LHFPL4: variants seen among roughly 807,000 people sequenced by gnomAD.
LHFPL4 encodes the protein LHFPL tetraspan subfamily member 4 protein.
Under a neutral mutation model 20.0 loss-of-function variants are expected in LHFPL4, and 6 were observed. The ratio of observed to expected loss-of-function variants is 0.30; its 90% confidence interval spans 0.16 to 0.59. LHFPL4 has a LOEUF of 0.59. Ranked by LOEUF, LHFPL4 falls within the 20% of genes least tolerant of loss-of-function variation. The pLI is 0.88. For missense variants in LHFPL4, 215 were observed against 331.2 expected, an observed-to-expected ratio of 0.65 and a Z score of 2.72; for synonymous variants, 129 against 143.8, an observed-to-expected ratio of 0.90 and a Z score of 0.74.
At chr3:9,550,550 C>T (rs2046546992) in intron 2 of LHFPL4, 1 of 152,170 alleles carries the variant, frequency 6.6e-6, no homozygotes, top group Non-Finnish European at 1.5e-5. Flanking sequence ...TTCATCAAAT[C>T]CCCAGGATTA....
chr3:9,535,476 A>C, intron 2 of LHFPL4, among the ~76,000 whole-genome samples: 1 of 152,226 alleles, frequency 6.6e-6, no homozygotes, highest in Non-Finnish European at 1.5e-5. Context: ...TAGACTATGC[A>C]GTGAAGAATG....
chr3:9,521,438 G>C (rs1165506908), intron 2 of LHFPL4, among the ~76,000 whole-genome samples: 1 of 149,974 alleles, frequency 6.7e-6, no homozygotes, highest in African/African-American at 2.5e-5. Flanking sequence ...GTCTCACTCT[G>C]CTGCTGGGGC....
rs201286494 is a variant in LHFPL4, at chr3:9,548,299, T to A, written c.406+3975A>T. 2.1e-4 allele frequency among the ~76,000 whole-genome samples: 32 copies of A among 152,346 alleles called. 1 individual carries two copies. In the East Asian group the frequency reaches 3.7e-3, roughly 17 times the overall value. On this transcript the variant is annotated intron_variant, in intron 2 of 3. Coordinates refer to ENST00000287585, the MANE Select transcript of LHFPL4 (RefSeq NM_198560.3). ...TATATAATGCATGTAAAATGTTAGCTATTTTTCTGTAATAATGATAACAGT... is the reference window on the plus strand; with the variant it reads ...TATATAATGCATGTAAAATGTTAGCAATTTTTCTGTAATAATGATAACAGT...
chr3:9,551,364 TC>T (rs2125669214), intron 2 of LHFPL4, among the ~76,000 whole-genome samples: 1 of 151,788 alleles, frequency 6.6e-6, no homozygotes, highest in East Asian at 1.9e-4. Context: ...GGCCCCACTT[TC>T]CCCAGTCCAA....
Position 9,500,896 on chromosome 3 carries a change from C to A in LHFPL4, c.*1315G>T, listed in dbSNP as rs375196876. On this transcript the variant is annotated 3_prime_UTR_variant, in exon 4 of 4. Transcript: ENST00000287585. Reference sequence around the variant, plus strand: ...TCCCTGCCAAGGGGAAGGGAGACGCCCCCACAGTGGGTGGAGGGGGGAGAA... The same window carrying A: ...TCCCTGCCAAGGGGAAGGGAGACGCACCCACAGTGGGTGGAGGGGGGAGAA... The A allele has an allele frequency of 6.6e-6, 1 of 152,474 alleles. No homozygotes were observed. Among genetic ancestry groups the A allele is most frequent in the Non-Finnish European group, 1.5e-5 (1 of 68,248 alleles). The allele number at this position is 152,474 out of a possible 1,614,324, so 9.4% of individuals were successfully genotyped here.
At chr3:9,509,884 G>A (rs1325068033) in intron 2 of LHFPL4, among the ~76,000 whole-genome samples, 3 of 152,234 alleles carry the variant, frequency 2.0e-5, no homozygotes, top group Admixed American at 6.5e-5. Context: ...AGGGTTCAGT[G>A]TTCCCATTTG....
At chr3:9,524,275 T>C (rs995447760) in intron 2 of LHFPL4, among the ~76,000 whole-genome samples, 2 of 151,998 alleles carry the variant, frequency 1.3e-5, no homozygotes, top group African/African-American at 4.8e-5. Flanking sequence ...CTTGGATGTA[T>C]GGTTTGGTGT....
At chr3:9,545,328 C>T (rs971935491) in intron 2 of LHFPL4, among the ~76,000 whole-genome samples, 4 of 152,098 alleles carry the variant, frequency 2.6e-5, no homozygotes, top group South Asian at 2.1e-4. Context: ...ATCAGTATCA[C>T]GCACATACAA....
At chr3:9,511,828 G>A (rs2046262974) in intron 2 of LHFPL4, among the ~76,000 whole-genome samples, 1 of 152,120 alleles carries the variant, frequency 6.6e-6, no homozygotes, top group African/African-American at 2.4e-5. Flanking sequence ...CCATGTGCTC[G>A]CCACTGGCTG....
intron 2 of LHFPL4, among the ~76,000 whole-genome samples, chr3:9,548,232 A>G (rs779820630): frequency 7.9e-5 from 12 of 152,228 alleles, no homozygotes; most frequent in Non-Finnish European, 1.6e-4. Context: ...ATACAATATG[A>G]ATAATGGTAC....
chr3:9,522,627 G>T (rs1045008085), intron 2 of LHFPL4, among the ~76,000 whole-genome samples: 3 of 151,896 alleles, frequency 2.0e-5, no homozygotes, highest in African/African-American at 7.3e-5. Flanking sequence ...TGTAATCCCA[G>T]CTACTCGGGA....
chr3:9,523,094 G>GAAAGAA (rs763533157), intron 2 of LHFPL4, among the ~76,000 whole-genome samples: 560 of 82,002 alleles, frequency 6.8e-3, no homozygotes, highest in Middle Eastern at 0.017. Context: ...GAAAGAAAGA[G>GAAAGAA]AGAGAGAGAG....
intron 2 of LHFPL4, among the ~76,000 whole-genome samples, chr3:9,517,432 T>A (rs1349847159): frequency 6.6e-6 from 1 of 152,126 alleles, no homozygotes; most frequent in African/African-American, 2.4e-5. Context: ...AAATATTTTA[T>A]TAGATTTATA....
intron 2 of LHFPL4, among the ~76,000 whole-genome samples, chr3:9,516,438 C>G (rs927077818): frequency 6.6e-6 from 1 of 151,884 alleles, no homozygotes; most frequent in East Asian, 1.9e-4. Context: ...TCCTATCAAT[C>G]AATTTGCCCG....
intron 2 of LHFPL4, among the ~76,000 whole-genome samples, chr3:9,533,493 A>G (rs1323075297): frequency 6.6e-6 from 1 of 152,154 alleles, no homozygotes; most frequent in Non-Finnish European, 1.5e-5. Flanking sequence ...CTATAGGATT[A>G]AAAGTCAGGC....
chr3:9,517,663 G>T (rs1265278035), intron 2 of LHFPL4, among the ~76,000 whole-genome samples: 1 of 145,228 alleles, frequency 6.9e-6, no homozygotes, highest in African/African-American at 2.6e-5. Context: ...CTCCAGACAG[G>T]GCGACAGAGC....
Position 9,499,810 on chromosome 3 carries a change from A to C in LHFPL4, c.*2401T>G. On this transcript the variant is annotated 3_prime_UTR_variant, in exon 4 of 4. Transcript: ENST00000287585. ...CCTTGGGGGAACAAGCTCTCCCCTC[A>C]CCCAGTGCCCAGATAGCAACCCCCT... 1 of 149,768 alleles carries C rather than the reference A, an allele frequency of 6.7e-6. No individual in the cohort carries two copies. The highest frequency in any genetic ancestry group is 2.0e-4 in the East Asian group (1 of 5,058). 9.3% of individuals were successfully genotyped at this position (149,768 alleles called of 1,614,324 possible).
intron 2 of LHFPL4, among the ~76,000 whole-genome samples, chr3:9,547,101 A>G (rs1423098663): frequency 2.0e-5 from 3 of 152,066 alleles, no homozygotes; most frequent in Admixed American, 2.0e-4. Flanking sequence ...TAATCCTCCC[A>G]CCTCAGCCTC....
chr3:9,507,045 C>T (rs756107923), intron 2 of LHFPL4, among the ~76,000 whole-genome samples: 21 of 152,330 alleles, frequency 1.4e-4, no homozygotes, highest in Non-Finnish European at 2.1e-4. Context: ...CTAGTTCTTC[C>T]CCTAACTTGG....
Sources: allele counts gnomAD v4.1 joint callset (sites outside exome capture counted in the v4.1 genomes callset), GRCh38; gene constraint gnomAD v4.1.1; transcripts MANE v1.5; gene names NCBI Gene and HGNC (gene_info 2026-07-23, HGNC 2026-07-21).